Variants in SHC4 observed in about 807,000 individuals in gnomAD.
The protein encoded by SHC4 is SHC-transforming protein 4.
A neutral mutation model predicts 69.4 loss-of-function variants in SHC4; 41 were observed. The ratio of observed to expected loss-of-function variants is 0.59; its 90% CI spans 0.46 to 0.77. The LOEUF (loss-of-function observed/expected upper bound fraction) is 0.77, where lower values mean the gene tolerates loss of function less well. Ranked by LOEUF, SHC4 falls within the 30% of genes least tolerant of loss-of-function variation. SHC4 has a pLI of 0.00. For synonymous variants in SHC4, 318 were observed against 299.3 expected (o/e 1.06, Z -0.64); for missense variants, 777 against 783.8 (o/e 0.99, Z 0.10).
intron 2 of SHC4, among the ~76,000 whole-genome samples, chr15:48,907,802 G>A (rs1653750906): frequency 6.7e-6 from 1 of 149,152 alleles, no homozygotes; most frequent in South Asian, 2.1e-4. Context: ...TCATAAAAAG[G>A]AATGAATGAA....
chr15:48,882,678 G>A (rs981505766), intron 4 of SHC4, among the ~76,000 whole-genome samples: 1 of 152,116 alleles, frequency 6.6e-6, no homozygotes, highest in Admixed American at 6.5e-5. Flanking sequence ...TCATTATGAT[G>A]GCTTCAGCTT....
intron 10 of SHC4, among the ~76,000 whole-genome samples, chr15:48,841,611 A>G (rs1002731276): frequency 1.3e-5 from 2 of 152,198 alleles, no homozygotes; most frequent in Non-Finnish European, 2.9e-5. Flanking sequence ...AATGTAGGAC[A>G]ACTCCGACAG....
chr15:48,906,390 T>A (rs1302198501), intron 2 of SHC4, among the ~76,000 whole-genome samples: 1 of 152,156 alleles, frequency 6.6e-6, no homozygotes, highest in African/African-American at 2.4e-5. Flanking sequence ...TTTTACTGTA[T>A]CTACTACCTT....
At chr15:48,922,072 ATAAAATT>A (rs1419419831) in intron 2 of SHC4, among the ~76,000 whole-genome samples, 1 of 152,220 alleles carries the variant, frequency 6.6e-6, no homozygotes, top group Non-Finnish European at 1.5e-5. Context: ...AGAAAATAAA[ATAAAATT>A]TAAAAACCCG....
intron 2 of SHC4, among the ~76,000 whole-genome samples, chr15:48,909,562 A>G (rs1266075963): frequency 1.3e-5 from 2 of 152,002 alleles, no homozygotes; most frequent in Non-Finnish European, 2.9e-5. Flanking sequence ...CTCTTGTCTG[A>G]TTGCTCCGGC....
chr15:48,924,850 C>T (rs924959888), intron 2 of SHC4, 29 bp downstream of exon 2: 6 of 1,610,966 alleles, frequency 3.7e-6, no homozygotes, highest in Admixed American at 1.7e-5. Context: ...CCATACTCCT[C>T]AAAGCCCCTC....
At chr15:48,835,663 A>G (rs1898884681) in intron 10 of SHC4, among the ~76,000 whole-genome samples, 1 of 152,192 alleles carries the variant, frequency 6.6e-6, no homozygotes, top group Non-Finnish European at 1.5e-5. Context: ...GAACAGCCCA[A>G]GGCAGCTCCC....
chr15:48,878,060 C>T (rs892725196), intron 4 of SHC4: 12 of 1,366,720 alleles, frequency 8.8e-6, no homozygotes, highest in Non-Finnish European at 9.9e-6. Context: ...TACCTGAGGA[C>T]CACGCCTGCG....
At chr15:48,833,819 T>C (rs916762072) in intron 11 of SHC4, among the ~76,000 whole-genome samples, 3 of 152,242 alleles carry the variant, frequency 2.0e-5, no homozygotes, top group African/African-American at 7.2e-5. Flanking sequence ...GGTAAGGAGA[T>C]GATGCAGATA....
intron 2 of SHC4, among the ~76,000 whole-genome samples, chr15:48,914,500 C>T (rs1470997241): frequency 6.6e-6 from 1 of 152,242 alleles, no homozygotes; most frequent in African/African-American, 2.4e-5. Context: ...TATTCTGCCA[C>T]AGCTCCTCTC....
At chr15:48,834,730 C>T (rs1262185905) in intron 11 of SHC4, 39 bp downstream of exon 11, 4 of 1,607,412 alleles carry the variant, frequency 2.5e-6, no homozygotes, top group Non-Finnish European at 3.4e-6. Context: ...CTTAATAGAA[C>T]AACATCCTGT....
At chr15:48,842,651 G>A (rs961026185) in intron 10 of SHC4, among the ~76,000 whole-genome samples, 50 of 152,166 alleles carry the variant, frequency 3.3e-4, no homozygotes, top group Non-Finnish European at 3.8e-4. Flanking sequence ...ATAAATTCAA[G>A]GCCGGGCATG....
chr15:48,860,993 C>A (rs1899429301), intron 6 of SHC4, among the ~76,000 whole-genome samples: 1 of 152,246 alleles, frequency 6.6e-6, no homozygotes, highest in Admixed American at 6.5e-5. Context: ...GCCTCTAACG[C>A]TTCTGGCGTA....
chr15:48,916,154 T>A, intron 2 of SHC4, among the ~76,000 whole-genome samples: 1 of 151,920 alleles, frequency 6.6e-6, no homozygotes, highest in Admixed American at 6.6e-5. Flanking sequence ...AATATACAGA[T>A]ATTTGACCTC....
chr15:48,901,606 C>T (rs1415203772), intron 2 of SHC4, among the ~76,000 whole-genome samples: 1 of 152,036 alleles, frequency 6.6e-6, no homozygotes, highest in Non-Finnish European at 1.5e-5. Flanking sequence ...GCAAGCAATA[C>T]AGAAATAAAC....
At position 48,963,105 on chromosome 15, in the gene SHC4, C is replaced by T; in HGVS notation, c.-90G>A. 1.5e-6 allele frequency: 2 copies of T among 1,339,554 alleles called. No individual in the cohort carries two copies. Among genetic ancestry groups the T allele is most frequent in the East Asian group, 2.3e-5 (1 of 43,052 alleles). The allele number at this position is 1,339,554 out of a possible 1,614,324, so 83.0% of individuals were successfully genotyped here. A position where few individuals can be genotyped will look rare whatever the true frequency, so the allele number is the denominator to read the frequency against. On this transcript the variant is annotated 5_prime_UTR_variant, in exon 1 of 12. Transcript: ENST00000332408. ...GTGCAGACATCAGATACCTCAACGC[C>T]CGATGCAACTCACAGCAGCCACCTC...
intron 2 of SHC4, among the ~76,000 whole-genome samples, chr15:48,902,507 A>C (rs908896661): frequency 6.6e-6 from 1 of 152,044 alleles, no homozygotes; most frequent in Non-Finnish European, 1.5e-5. Flanking sequence ...TCCCTATATA[A>C]ATCCAATCCC....
intron 7 of SHC4, among the ~76,000 whole-genome samples, chr15:48,856,410 C>T (rs1244738881): frequency 6.6e-6 from 1 of 152,030 alleles, no homozygotes; most frequent in African/African-American, 2.4e-5. Context: ...ATATGAACTT[C>T]CTAAATGTAA....
chr15:48,843,297 A>G, intron 10 of SHC4, 112 bp downstream of exon 10: 1 of 1,055,644 alleles, frequency 9.5e-7, no homozygotes, highest in Non-Finnish European at 1.4e-6. Flanking sequence ...CCCTGCTGAC[A>G]CTTTGATTTT....
Sources: allele counts gnomAD v4.1 joint callset (sites outside exome capture counted in the v4.1 genomes callset), GRCh38; gene constraint gnomAD v4.1.1; transcripts MANE v1.5; gene names NCBI Gene and HGNC (gene_info 2026-07-23, HGNC 2026-07-21).